DNAJC11: variants seen among roughly 807,000 people sequenced by gnomAD.
The protein encoded by DNAJC11 is dnaJ homolog subfamily C member 11.
Under a neutral mutation model 78.6 loss-of-function variants are expected in DNAJC11, and 15 were observed. That is an observed-to-expected ratio of 0.19 (90% confidence interval 0.13 to 0.29). The LOEUF (loss-of-function observed/expected upper bound fraction) is 0.29. DNAJC11 is among the 10% of genes least tolerant of loss of function. DNAJC11 has a pLI of 1.00. For synonymous variants in DNAJC11, 292 were observed against 272.1 expected, an observed-to-expected ratio of 1.07 and a Z score of -0.72; for missense variants, 547 against 709.6, an observed-to-expected ratio of 0.77 and a Z score of 2.60.
At chr1:6,638,713 A>G (rs1641825940) in intron 11 of DNAJC11, among the ~76,000 whole-genome samples, 1 of 152,120 alleles carries the variant, frequency 6.6e-6, no homozygotes, top group Admixed American at 6.5e-5. Context: ...TAAGATAGAG[A>G]TGGGGGTCTC....
chr1:6,656,018 C>T (rs1642120903), intron 4 of DNAJC11, among the ~76,000 whole-genome samples: 1 of 148,906 alleles, frequency 6.7e-6, no homozygotes, highest in East Asian at 2.0e-4. Context: ...AGGAGAATTG[C>T]TTCAACTTGT....
chr1:6,641,377 C>CAA (rs138659014), intron 10 of DNAJC11, among the ~76,000 whole-genome samples: 58 of 106,716 alleles, frequency 5.4e-4, no homozygotes, highest in African/African-American at 2.0e-3. Context: ...ACTCCGTCTC[C>CAA]AAAAAAAAAA....
Position 6,637,242 on chromosome 1 carries a change from A to G in DNAJC11, c.1480T>C (p.Cys494Arg), listed in dbSNP as rs1486743441. The change falls in exon 14 of 16, where the codon TGC becomes CGC. Residue 494 changes from cysteine to arginine, a missense_variant. Transcript: ENST00000377577. ...KVIDVTVPLQCLVKDSKLILT... is the reference protein window; with the variant it reads ...KVIDVTVPLQRLVKDSKLILT... ...ATGAGCTTCGAGTCCTTCACCAGGCACTGCAGGGGCACAGTCACGTCAATC... is the reference window on the plus strand; with the variant it reads ...ATGAGCTTCGAGTCCTTCACCAGGCGCTGCAGGGGCACAGTCACGTCAATC... 3 of 1,614,038 alleles carry G rather than the reference A, an allele frequency of 1.9e-6. No individual in the cohort carries two copies. Among genetic ancestry groups the G allele is most frequent in the Non-Finnish European group, 2.5e-6 (3 of 1,180,034 alleles).
rs781635133 is a variant in DNAJC11, at chr1:6,652,938, G to T, written c.521C>A (p.Ala174Glu). ...ISQSIEAPLT[A>E]TDTAILSGSL... ...TCCAGAGAGGATGGCTGTGTCTGTC[G>T]CTGTCAAGGGTGCCTAAAAATGGTA... The change falls in exon 6 of 16, where the codon GCG becomes GAG. Residue 174 changes from alanine (A) to glutamate (E), a missense_variant. Physicochemically the swap from Ala to Glu is moderately radical, Grantham distance 107. Coordinates refer to ENST00000377577, the MANE Select transcript of DNAJC11 (RefSeq NM_018198.4). The T allele has an allele frequency of 7.4e-6, 12 of 1,613,878 alleles. No individual in the cohort carries two copies. The highest frequency in any genetic ancestry group is 8.5e-6 in the Non-Finnish European group (10 of 1,179,992).
At chr1:6,676,204 G>C (rs924257910) in intron 3 of DNAJC11, among the ~76,000 whole-genome samples, 1 of 152,158 alleles carries the variant, frequency 6.6e-6, no homozygotes, top group Non-Finnish European at 1.5e-5. Context: ...ATAACGCAAG[G>C]GGGAGTGGTG....
intron 3 of DNAJC11, among the ~76,000 whole-genome samples, chr1:6,670,026 T>A (rs1368263168): frequency 6.6e-6 from 1 of 151,774 alleles, no homozygotes; most frequent in Non-Finnish European, 1.5e-5. Flanking sequence ...CGATCTCAGC[T>A]CACTGCAAGC....
chr1:6,687,505 C>T (rs1371754578), intron 1 of DNAJC11, among the ~76,000 whole-genome samples: 1 of 151,936 alleles, frequency 6.6e-6, no homozygotes, highest in Admixed American at 6.6e-5. Flanking sequence ...TACAGGTGCC[C>T]GCCACCATGC....
At chr1:6,650,136 C>G (rs950875283) in intron 7 of DNAJC11, among the ~76,000 whole-genome samples, 6 of 151,238 alleles carry the variant, frequency 4.0e-5, no homozygotes, top group African/African-American at 1.5e-4. Context: ...ATTAGTCAGG[C>G]ATGGTGGTGC....
chr1:6,640,046 GC>G lies in DNAJC11; in HGVS notation c.1108del (p.Ala370ProfsTer11). 6.5e-7 allele frequency: 1 copy of G among 1,528,980 alleles called. No individual in the cohort carries two copies. The highest frequency in any genetic ancestry group is 8.8e-7 in the Non-Finnish European group (1 of 1,142,668). The allele number at this position is 1,528,980 out of a possible 1,614,324, so 94.7% of individuals were successfully genotyped here. A position where few individuals can be genotyped will look rare whatever the true frequency, so the allele number is the denominator to read the frequency against. ...AATAGGGAAGAAGTATGTCTGACTG[GC>G]CCTGTTGAGCCTGGGGAAAAATACA... ...GVSLKVKLNR[A>X]SQTYFFPIHL... is the part of the protein sequence containing the mutation. On this transcript the variant is annotated frameshift_variant, in exon 11 of 16. Coordinates refer to ENST00000377577, the MANE Select transcript of DNAJC11 (RefSeq NM_018198.4). LOFTEE classifies it high-confidence loss of function.
intron 3 of DNAJC11, among the ~76,000 whole-genome samples, chr1:6,678,090 C>A (rs2147877509): frequency 6.6e-6 from 1 of 152,302 alleles, no homozygotes; most frequent in African/African-American, 2.4e-5. Context: ...ACCCCCTGCT[C>A]CGCTTGCTCC....
chr1:6,673,079 C>T (rs183975800), intron 3 of DNAJC11, among the ~76,000 whole-genome samples: 113 of 151,258 alleles, frequency 7.5e-4, no homozygotes, highest in African/African-American at 2.5e-3. Flanking sequence ...GCCCATAATT[C>T]CAGCTACTCG....
chr1:6,690,073 G>A (rs1398377874), intron 1 of DNAJC11, among the ~76,000 whole-genome samples: 1 of 152,174 alleles, frequency 6.6e-6, no homozygotes, highest in African/African-American at 2.4e-5. Context: ...ATTGAAGATG[G>A]AGGAGGAGTT....
chr1:6,639,236 C>G (rs1343582502), intron 11 of DNAJC11, among the ~76,000 whole-genome samples: 1 of 151,988 alleles, frequency 6.6e-6, no homozygotes, highest in African/African-American at 2.4e-5. Flanking sequence ...CCCTCACATA[C>G]GGATCCAGAA....
At chr1:6,681,640 C>G (rs1453264271) in intron 1 of DNAJC11, among the ~76,000 whole-genome samples, 2 of 152,304 alleles carry the variant, frequency 1.3e-5, no homozygotes, top group East Asian at 3.9e-4. Flanking sequence ...CTCTCCAATT[C>G]TCCTACGCAG....
At chr1:6,670,735 T>C (rs1642367097) in intron 3 of DNAJC11, 2 of 152,216 alleles carry the variant, frequency 1.3e-5, no homozygotes, top group Non-Finnish European at 2.9e-5. Flanking sequence ...AAGGGCATTC[T>C]GGGTTCTATT....
rs535322222 is a variant in DNAJC11, at chr1:6,654,121, G to T, written c.379-82C>A. The stretch of plus-strand genomic sequence containing the variant: ...AATGCTACACTTCAACAGCCAGCTC[G>T]CTTTAATTGAACAAGTCATTTGACT... On this transcript the variant is annotated intron_variant, in intron 4 of 15. Coordinates refer to ENST00000377577, the MANE Select transcript of DNAJC11 (RefSeq NM_018198.4). 7.6e-5 allele frequency: 116 copies of T among 1,533,962 alleles called. No individual in the cohort carries two copies. In the Admixed American group the frequency reaches 9.7e-4, roughly 13 times the overall value.
In DNAJC11 at chr1:6,634,615, G is replaced by A. The variant is rs778348115; in HGVS notation, c.*1060C>T. 29 of 1,366,316 alleles carry A rather than the reference G, an allele frequency of 2.1e-5. No individual in the cohort carries two copies. Among genetic ancestry groups the A allele is most frequent in the African/African-American group, 1.3e-4 (9 of 67,752 alleles). The allele number at this position is 1,366,316 out of a possible 1,614,324, so 84.6% of individuals were successfully genotyped here. A position where few individuals can be genotyped will look rare whatever the true frequency, so the allele number is the denominator to read the frequency against. ...CCAGGCCCCGAGAGACAGGCCTCAC[G>A]TAACTTTACTGCAGCCGAGGTCCAG... On this transcript the variant is annotated 3_prime_UTR_variant, in exon 16 of 16. Transcript: ENST00000377577.
chr1:6,674,503 G>C (rs1011625602), intron 3 of DNAJC11, among the ~76,000 whole-genome samples: 3 of 152,136 alleles, frequency 2.0e-5, no homozygotes, highest in African/African-American at 7.2e-5. Context: ...AGAGGTTGCA[G>C]TGAGCCAAGA....
intron 6 of DNAJC11, 64 bp from the exon 7 acceptor site, chr1:6,651,666 C>G (rs927747055): frequency 2.4e-6 from 3 of 1,244,750 alleles, no homozygotes; most frequent in Admixed American, 3.6e-5. Flanking sequence ...AACCCAGGCT[C>G]AGGTATGTAC....
Sources: gnomAD v4.1 joint callset for allele counts (sites outside exome capture counted in the v4.1 genomes callset) on GRCh38, gnomAD v4.1.1 for gene constraint, MANE v1.5 for transcripts, NCBI Gene and HGNC (gene_info 2026-07-23, HGNC 2026-07-21) for gene names.